The following DOCK1 variants were observed in gnomAD, a reference collection of about 807,000 sequenced individuals.
DOCK1 encodes dedicator of cytokinesis protein 1.
DOCK1 carries 138 observed loss-of-function variants against 262.7 expected under a neutral mutation model. The observed-to-expected ratio is 0.53, with a 90% CI of 0.46 to 0.61. DOCK1 has a LOEUF of 0.61. DOCK1 is among the 20% of genes least tolerant of loss of function. DOCK1 has a pLI of 0.00. For synonymous variants in DOCK1, 866 were observed against 867.4 expected, an observed-to-expected ratio of 1.00 and a Z score of 0.03; for missense variants, 1,908 against 2,370.7, an observed-to-expected ratio of 0.80 and a Z score of 4.05.
At chr10:127,280,786 T>C (rs1331676980) in intron 29 of DOCK1, among the ~76,000 whole-genome samples, 1 of 152,214 alleles carries the variant, frequency 6.6e-6, no homozygotes, top group African/African-American at 2.4e-5. Flanking sequence ...GAATTGCAGA[T>C]CTCTTTCTGT....
chr10:127,078,640 G>A (rs1484868315), intron 23 of DOCK1, among the ~76,000 whole-genome samples: 4 of 152,178 alleles, frequency 2.6e-5, no homozygotes, highest in African/African-American at 9.7e-5. Flanking sequence ...AAAGATACTT[G>A]TACATGCATG....
rs890642681 is a variant in DOCK1 at position 127,452,241 on chromosome 10, A to G, written c.*814A>G. 1 of 152,516 alleles carries G rather than the reference A, an allele frequency of 6.6e-6. No homozygotes were observed. The highest frequency in any genetic ancestry group is 2.4e-5 in the African/African-American group (1 of 41,414). 9.4% of individuals were successfully genotyped at this position (152,516 alleles called of 1,614,324 possible). ...AATTTTTGTGGTCCTTCCGTTTATT[A>G]TAATAGGCGTCCACCAATGATTATC... On this transcript the variant is annotated 3_prime_UTR_variant, in exon 52 of 52. Coordinates refer to ENST00000623213, the MANE Select transcript of DOCK1 (RefSeq NM_001290223.2).
At chr10:127,433,018 C>G (rs551755366) in intron 47 of DOCK1, among the ~76,000 whole-genome samples, 1 of 152,198 alleles carries the variant, frequency 6.6e-6, no homozygotes, top group Admixed American at 6.5e-5. Flanking sequence ...TGACGCATCG[C>G]GGTCTTTGAA....
chr10:127,435,104 G>A (rs1176111472), intron 48 of DOCK1, among the ~76,000 whole-genome samples: 2 of 152,172 alleles, frequency 1.3e-5, no homozygotes, highest in Non-Finnish European at 2.9e-5. Flanking sequence ...CATTAGCTCA[G>A]GTTATTGCAA....
chr10:127,102,994 T>C (rs2048337114), intron 23 of DOCK1, among the ~76,000 whole-genome samples: 1 of 152,192 alleles, frequency 6.6e-6, no homozygotes, highest in Non-Finnish European at 1.5e-5. Context: ...ACTGACATGC[T>C]CTCCATTTCT....
At chr10:127,200,586 T>C (rs569350170) in intron 27 of DOCK1, among the ~76,000 whole-genome samples, 56 of 152,244 alleles carry the variant, frequency 3.7e-4, no homozygotes, top group South Asian at 2.7e-3. Flanking sequence ...TGTATTTTAG[T>C]AGAAATGAGG....
chr10:127,447,268 C>T (rs1011108846), intron 50 of DOCK1, 126 bp from the exon 51 acceptor site: 43 of 1,389,778 alleles, frequency 3.1e-5, no homozygotes, highest in Admixed American at 7.0e-5. Flanking sequence ...TGTTGACAAA[C>T]GTTTTCTGCC....
At chr10:126,948,662 C>T (rs1184079204) in intron 1 of DOCK1, among the ~76,000 whole-genome samples, 2 of 151,900 alleles carry the variant, frequency 1.3e-5, no homozygotes, top group African/African-American at 4.8e-5. Flanking sequence ...GTATGCTGAG[C>T]CAGAGGCACT....
chr10:127,164,212 C>CCTGCT (rs1347831103), intron 27 of DOCK1, among the ~76,000 whole-genome samples: 41 of 110,692 alleles, frequency 3.7e-4, no homozygotes, highest in African/African-American at 1.4e-3. Flanking sequence ...GAGACAGAGT[C>CCTGCT]CTGCTCTGTC....
intron 23 of DOCK1, among the ~76,000 whole-genome samples, chr10:127,070,636 G>C (rs1047420279): frequency 4.0e-5 from 6 of 151,474 alleles, no homozygotes; most frequent in Non-Finnish European, 7.4e-5. Flanking sequence ...GCAGGTCAGT[G>C]GTGAACAAAG....
chr10:127,127,863 G>C (rs1336901970), intron 27 of DOCK1, 99 bp downstream of exon 27: 39 of 926,152 alleles, frequency 4.2e-5, no homozygotes, highest in Non-Finnish European at 6.1e-5. Flanking sequence ...GCAATGTAGT[G>C]AGCAGTTGAG....
At chr10:127,319,734 C>G (rs753732133) in intron 29 of DOCK1, among the ~76,000 whole-genome samples, 1 of 152,216 alleles carries the variant, frequency 6.6e-6, no homozygotes, top group African/African-American at 2.4e-5. Flanking sequence ...TTGGGCCACC[C>G]GTGCCCTGTC....
chr10:127,219,825 C>T (rs1233787655), intron 27 of DOCK1, among the ~76,000 whole-genome samples: 8 of 152,102 alleles, frequency 5.3e-5, no homozygotes, highest in Non-Finnish European at 7.4e-5. Flanking sequence ...ATCCCATCCC[C>T]GTCTTCAGCC....
At chr10:127,054,966 C>A (rs2045034656) in intron 22 of DOCK1, among the ~76,000 whole-genome samples, 1 of 152,156 alleles carries the variant, frequency 6.6e-6, no homozygotes, top group Non-Finnish European at 1.5e-5. Flanking sequence ...TTGAGTTACC[C>A]AGGTTGACCA....
At chr10:127,369,945 C>T (rs550811166) in intron 33 of DOCK1, among the ~76,000 whole-genome samples, 10 of 152,278 alleles carry the variant, frequency 6.6e-5, no homozygotes, top group East Asian at 5.8e-4. Context: ...TCAGCATGGG[C>T]GCCTAGAGCC....
Position 127,444,132 on chromosome 10 carries a change from C to G in DOCK1, c.5266C>G (p.Pro1756Ala). 4 of 1,559,976 alleles carry G rather than the reference C, an allele frequency of 2.6e-6. No homozygotes were observed. Among genetic ancestry groups the G allele is most frequent in the Non-Finnish European group, 3.5e-6 (4 of 1,152,106 alleles). Residue 1756 changes from proline (P) to alanine (A), a missense_variant, in exon 50 of 52, where the codon CCC becomes GCC. Pro to Ala is a conservative substitution (Grantham distance 27). Coordinates refer to ENST00000623213, the MANE Select transcript of DOCK1 (RefSeq NM_001290223.2). ...EAVILSETIS[P>A]LRPQRPKSQV... ...TTCTGTCCTTTTGATGTAGATAAGT[C>G]CCCTGCGGCCCCAGAGACCGAAGAG...
intron 18 of DOCK1, among the ~76,000 whole-genome samples, chr10:127,035,949 C>T (rs9418718): frequency 0.17 from 25,577 of 151,582 alleles, 2,555 homozygotes; most frequent in Middle Eastern, 0.26. Flanking sequence ...CTGCATTGAG[C>T]TGTGGTTGTG....
Position 127,275,054 on chromosome 10 carries a change from A to C in DOCK1, c.3044+17625A>C, listed in dbSNP as rs142859752. Among the ~76,000 whole-genome samples, 175 of 152,246 alleles carry C rather than the reference A, an allele frequency of 1.1e-3. 1 individual carries two copies. The East Asian group carries it at 0.031, about 27-fold the overall frequency. On this transcript the variant is annotated intron_variant, in intron 29 of 51. Coordinates refer to ENST00000623213, the MANE Select transcript of DOCK1 (RefSeq NM_001290223.2). ...TTTAGCTAGCAACTGGAAATTCTAC[A>C]CTGACGTTCAGAAGAAAGGTAAGGC...
chr10:126,962,647 A>G (rs1041002419), intron 1 of DOCK1, among the ~76,000 whole-genome samples: 9 of 152,152 alleles, frequency 5.9e-5, no homozygotes, highest in Admixed American at 3.3e-4. Flanking sequence ...CAGATAGGGG[A>G]TTTGTAAATA....
Sources: allele counts gnomAD v4.1 joint callset (sites outside exome capture counted in the v4.1 genomes callset), GRCh38; gene constraint gnomAD v4.1.1; transcripts MANE v1.5; gene names NCBI Gene and HGNC (gene_info 2026-07-23, HGNC 2026-07-21).